The following LTBP1 variants were observed in gnomAD, a reference collection of about 807,000 sequenced individuals.
LTBP1 encodes the protein latent-transforming growth factor beta-binding protein 1.
A neutral mutation model predicts 207.6 loss-of-function variants in LTBP1; 129 were observed. The ratio of observed to expected loss-of-function variants is 0.62; its 90% CI spans 0.54 to 0.72. The LOEUF is 0.72. LTBP1 is among the 30% of genes least tolerant of loss of function. The pLI, the probability that LTBP1 is intolerant of heterozygous loss-of-function variation, is 0.00. For synonymous variants in LTBP1, 963 were observed against 833.7 expected (o/e 1.16, Z -2.67); for missense variants, 2,281 against 2,217.2 (o/e 1.03, Z -0.58).
chr2:33,090,092 T>G (rs189850559), intron 3 of LTBP1, among the ~76,000 whole-genome samples: 113 of 152,296 alleles, frequency 7.4e-4, no homozygotes, highest in African/African-American at 2.7e-3. Flanking sequence ...TTAAAAAGAG[T>G]TTCTGTTTTC....
At chr2:33,385,729 G>A (rs2095259981) in intron 31 of LTBP1, among the ~76,000 whole-genome samples, 1 of 152,192 alleles carries the variant, frequency 6.6e-6, no homozygotes, top group African/African-American at 2.4e-5. Flanking sequence ...GGGCAGATGT[G>A]CATGATGGGA....
chr2:33,175,429 A>G (rs991419082), intron 5 of LTBP1, among the ~76,000 whole-genome samples: 9 of 152,076 alleles, frequency 5.9e-5, no homozygotes, highest in Non-Finnish European at 7.4e-5. Flanking sequence ...GCCATCAGAG[A>G]AATGCAAATC....
intron 2 of LTBP1, among the ~76,000 whole-genome samples, chr2:32,990,358 A>G (rs552389641): frequency 6.6e-6 from 1 of 152,162 alleles, no homozygotes; most frequent in African/African-American, 2.4e-5. Flanking sequence ...CTTTATCTCA[A>G]ATTACATGGA....
chr2:33,167,187 G>A (rs1572942219), intron 5 of LTBP1, among the ~76,000 whole-genome samples: 1 of 152,076 alleles, frequency 6.6e-6, no homozygotes, highest in South Asian at 2.1e-4. Context: ...AAATTAAGAT[G>A]AATAATTTGG....
rs1356310892 is a variant in LTBP1 at position 33,341,726 on chromosome 2, A to AT, written c.3731-1112_3731-1111insT. Among the ~76,000 whole-genome samples, 351 of 130,632 alleles carry AT rather than the reference A, an allele frequency of 2.7e-3. 1 individual carries two copies. The highest frequency in any genetic ancestry group is 6.7e-3 in the African/African-American group (204 of 30,438). 85.7% of individuals were successfully genotyped at this position (130,632 alleles called of 152,430 possible). On this transcript the variant is annotated intron_variant, in intron 24 of 33. Coordinates refer to ENST00000404816, the MANE Select transcript of LTBP1 (RefSeq NM_206943.4). ...ACTCCGTCTCACTCAAAAAAAAAAA[A>AT]AAAATATATATATATATATGTATAT...
chr2:33,049,914 T>C (rs961257871), intron 3 of LTBP1, among the ~76,000 whole-genome samples: 2 of 151,904 alleles, frequency 1.3e-5, no homozygotes, highest in African/African-American at 2.4e-5. Flanking sequence ...TGATCACAGC[T>C]CACTGCAGCC....
At position 33,034,937 on chromosome 2, in the gene LTBP1, A is replaced by T. The variant is rs119168; in HGVS notation, c.863+13731A>T. ...CAAGCTTTGCTTTTCAATGTTCTTCAGTTTTATTTTTATACCGCAGAATGC... is the reference window on the plus strand; with the variant it reads ...CAAGCTTTGCTTTTCAATGTTCTTCTGTTTTATTTTTATACCGCAGAATGC... On this transcript the variant is annotated intron_variant, in intron 3 of 33. Transcript: ENST00000404816. Among the ~76,000 whole-genome samples, 16 of 152,240 alleles carry T rather than the reference A, an allele frequency of 1.1e-4. No homozygotes were observed. The South Asian group carries it at 1.9e-3, about 18-fold the overall frequency.
chr2:33,243,570 C>T, intron 9 of LTBP1, 92 bp from the exon 10 acceptor site: 1 of 1,157,702 alleles, frequency 8.6e-7, no homozygotes, highest in Non-Finnish European at 1.2e-6. Context: ...TAAAAGATTA[C>T]TATAGTGAAA....
At chr2:33,283,917 A>G (rs2093614199) in intron 19 of LTBP1, among the ~76,000 whole-genome samples, 1 of 152,178 alleles carries the variant, frequency 6.6e-6, no homozygotes, top group East Asian at 1.9e-4. Context: ...TTATAATCAA[A>G]CATGTACAAT....
At chr2:33,292,126 T>G (rs970904914) in intron 19 of LTBP1, among the ~76,000 whole-genome samples, 12 of 152,242 alleles carry the variant, frequency 7.9e-5, no homozygotes, top group African/African-American at 2.9e-4. Flanking sequence ...TGACATACGG[T>G]GGACCTACCC....
At chr2:33,356,149 C>T (rs1237361594) in intron 26 of LTBP1, among the ~76,000 whole-genome samples, 4 of 151,502 alleles carry the variant, frequency 2.6e-5, no homozygotes, top group Non-Finnish European at 2.9e-5. Context: ...GATCCATCTC[C>T]CTGATGGACT....
At chr2:33,170,175 C>T (rs1214053626) in intron 5 of LTBP1, among the ~76,000 whole-genome samples, 4 of 152,138 alleles carry the variant, frequency 2.6e-5, no homozygotes, top group Non-Finnish European at 5.9e-5. Flanking sequence ...TGCAGTGCAC[C>T]GTGCTCGAGC....
At chr2:33,215,660 C>T (rs528758440) in intron 7 of LTBP1, among the ~76,000 whole-genome samples, 31 of 152,098 alleles carry the variant, frequency 2.0e-4, no homozygotes, top group African/African-American at 7.0e-4. Flanking sequence ...CTTCTGTCAC[C>T]ACACTCTGCT....
intron 2 of LTBP1, among the ~76,000 whole-genome samples, chr2:32,999,716 C>G (rs1309132159): frequency 1.5e-5 from 2 of 133,572 alleles, no homozygotes; most frequent in African/African-American, 5.2e-5. Flanking sequence ...GTGGTGAAAC[C>G]TGGTCTCTAC....
chr2:33,016,476 C>A lies in LTBP1; in HGVS notation c.566-4433C>A, dbSNP rs139255059. Among the ~76,000 whole-genome samples the A allele has an allele frequency of 4.4e-3, 666 of 152,264 alleles. 8 individuals are homozygous for A. The highest frequency in any genetic ancestry group is 0.015 in the African/African-American group (618 of 41,546). On this transcript the variant is annotated intron_variant, in intron 2 of 33. Transcript: ENST00000404816. ...AGTCACCTGGGGAGTTAAAAAAGTA[C>A]TGAAGCCTGGAGCCCTCCCCCGCTA...
At chr2:33,232,944 C>T (rs899882900) in intron 9 of LTBP1, among the ~76,000 whole-genome samples, 2 of 152,246 alleles carry the variant, frequency 1.3e-5, no homozygotes, top group South Asian at 4.2e-4. Flanking sequence ...TGTGTTTTGA[C>T]ACCTCTTCCT....
chr2:32,998,512 T>TAAAAAAAAAAA (rs769287082), intron 2 of LTBP1, among the ~76,000 whole-genome samples: 1 of 29,236 alleles, frequency 3.4e-5, no homozygotes, highest in African/African-American at 8.6e-5. Flanking sequence ...GACTCCATCT[T>TAAAAAAAAAAA]AAAAAAAAAA....
chr2:32,987,312 G>T (rs974084776), intron 2 of LTBP1, among the ~76,000 whole-genome samples: 4 of 152,184 alleles, frequency 2.6e-5, no homozygotes, highest in South Asian at 2.1e-4. Context: ...GGGGGCAGAT[G>T]GAGAGGAAGG....
At chr2:32,949,708 AT>A (rs1676813927) in intron 2 of LTBP1, among the ~76,000 whole-genome samples, 1 of 152,226 alleles carries the variant, frequency 6.6e-6, no homozygotes, top group African/African-American at 2.4e-5. Flanking sequence ...AAAGTGAAGC[AT>A]TCTTAGTTGT....
Sources: gnomAD v4.1 joint callset for allele counts (sites outside exome capture counted in the v4.1 genomes callset) on GRCh38, gnomAD v4.1.1 for gene constraint, MANE v1.5 for transcripts, NCBI Gene and HGNC (gene_info 2026-07-23, HGNC 2026-07-21) for gene names.